Variants in CCDC141 observed in about 807,000 individuals in gnomAD.
CCDC141 encodes the protein coiled-coil domain-containing protein 141.
A neutral mutation model predicts 181.0 loss-of-function variants in CCDC141; 168 were observed. That is an observed-to-expected ratio of 0.93 (90% CI 0.82 to 1.05). The LOEUF (loss-of-function observed/expected upper bound fraction) is 1.05, where lower values mean the gene tolerates loss of function less well. Ranked by LOEUF, CCDC141 falls within the 50% of genes least tolerant of loss-of-function variation. CCDC141 has a pLI of 0.00. For missense variants in CCDC141, 1,902 were observed against 1,788.5 expected (o/e 1.06, Z -1.14); for synonymous variants, 666 against 642.3 (o/e 1.04, Z -0.56).
intron 5 of CCDC141, among the ~76,000 whole-genome samples, chr2:178,955,934 T>TCGTC (rs1324636343): frequency 6.6e-6 from 1 of 152,284 alleles, no homozygotes; most frequent in Non-Finnish European, 1.5e-5. Context: ...CTGAGACCAA[T>TCGTC]CGTCATCTGA....
At chr2:178,820,971 A>G in the CCDC141 span, among the ~76,000 whole-genome samples, 1 of 152,160 alleles carries the variant, frequency 6.6e-6, no homozygotes, top group Non-Finnish European at 1.5e-5. Flanking sequence ...GTTCTATTAT[A>G]CCACTATGCA....
chr2:178,970,080 C>G (rs1267136439), intron 4 of CCDC141, among the ~76,000 whole-genome samples: 1 of 152,160 alleles, frequency 6.6e-6, no homozygotes, highest in African/African-American at 2.4e-5. Flanking sequence ...TGAAGGACCT[C>G]TTCAGGGAAA....
intron 17 of CCDC141, among the ~76,000 whole-genome samples, chr2:178,865,453 T>C (rs908189679): frequency 6.6e-5 from 10 of 152,150 alleles, no homozygotes; most frequent in Admixed American, 1.3e-4. Context: ...TATACAGGTT[T>C]GAGGGAGAAG....
At position 178,831,112 on chromosome 2, in the gene CCDC141, T is replaced by G. The variant is rs916988710; in HGVS notation, c.*3061A>C. On this transcript the variant is annotated 3_prime_UTR_variant, in exon 24 of 24. Coordinates refer to ENST00000443758, the MANE Select transcript of CCDC141 (RefSeq NM_173648.4). ...GGTTACCATTATTGATTAATATAGC[T>G]AAAAAATTTTCTGCATCTTGTTCAA... 6.6e-6 allele frequency: 1 copy of G among 152,110 alleles called. No homozygotes were observed. The highest frequency in any genetic ancestry group is 1.5e-5 in the Non-Finnish European group (1 of 68,010). The allele number at this position is 152,110 out of a possible 1,614,324, so 9.4% of individuals were successfully genotyped here.
chr2:179,015,743 CTTATATATATCTCATATATA>C (rs879594690), intron 2 of CCDC141, among the ~76,000 whole-genome samples: 28,503 of 92,994 alleles, frequency 0.31, 7,546 homozygotes, highest in East Asian at 0.49. Context: ...ATATATATAT[CTTATATATATCTCATATATA>C]TCATATATAT....
chr2:178,959,216 A>C (rs995346205), intron 5 of CCDC141, among the ~76,000 whole-genome samples: 1 of 152,142 alleles, frequency 6.6e-6, no homozygotes, highest in Non-Finnish European at 1.5e-5. Context: ...TGGGTGCAGC[A>C]CACCAACATG....
At position 179,011,673 on chromosome 2, in the gene CCDC141, T is replaced by C. The variant is rs529923464; in HGVS notation, c.226-32998A>G. On this transcript the variant is annotated intron_variant, in intron 2 of 23. Transcript: ENST00000443758. ...TCATCCAACAACCACAGAATACACA[T>C]TCTATTCAACAGCACGTGGAACTTT... Among the ~76,000 whole-genome samples the C allele has an allele frequency of 1.3e-4, 20 of 152,240 alleles. 1 individual carries two copies. In the South Asian group the frequency reaches 4.0e-3, roughly 30 times the overall value.
chr2:179,020,225 A>G (rs1050108968), intron 2 of CCDC141, among the ~76,000 whole-genome samples: 1 of 152,174 alleles, frequency 6.6e-6, no homozygotes, highest in African/African-American at 2.4e-5. Context: ...AAGGAGCTTT[A>G]GGGTTAAAAT....
intron 2 of CCDC141, among the ~76,000 whole-genome samples, chr2:179,007,105 C>T (rs1402548713): frequency 6.6e-6 from 1 of 152,284 alleles, no homozygotes; most frequent in Admixed American, 6.5e-5. Flanking sequence ...TGATTAAAGT[C>T]TGGAAAATCA....
intron 18 of CCDC141, among the ~76,000 whole-genome samples, chr2:178,856,030 G>A (rs957840253): frequency 3.9e-5 from 6 of 152,078 alleles, no homozygotes; most frequent in African/African-American, 7.2e-5. Flanking sequence ...AGACAGGTTG[G>A]GTTTGGCAGA....
At chr2:178,966,399 G>A (rs111818506) in intron 4 of CCDC141, among the ~76,000 whole-genome samples, 1,543 of 152,276 alleles carry the variant, frequency 0.01, 26 homozygotes, top group African/African-American at 0.036. Flanking sequence ...TGCCCCTCTG[G>A]GATGAAGCTT....
intron 3 of CCDC141, among the ~76,000 whole-genome samples, chr2:178,978,061 T>A (rs1691203530): frequency 6.6e-6 from 1 of 152,192 alleles, no homozygotes; most frequent in Non-Finnish European, 1.5e-5. Context: ...TATAATTGCC[T>A]TTTTAAAACA....
At chr2:178,879,597 G>T (rs1686502835) in intron 11 of CCDC141, among the ~76,000 whole-genome samples, 1 of 152,170 alleles carries the variant, frequency 6.6e-6, no homozygotes, top group South Asian at 2.1e-4. Context: ...TAACTATTTT[G>T]GGGGGTACTC....
intron 22 of CCDC141, among the ~76,000 whole-genome samples, chr2:178,841,480 G>A (rs1302723558): frequency 1.3e-5 from 2 of 152,076 alleles, no homozygotes; most frequent in African/African-American, 4.8e-5. Flanking sequence ...TGGCACTACT[G>A]CTTTTATTCT....
intron 5 of CCDC141, among the ~76,000 whole-genome samples, chr2:178,959,605 G>A (rs1690309429): frequency 6.6e-6 from 1 of 152,214 alleles, no homozygotes; most frequent in Non-Finnish European, 1.5e-5. Context: ...TTTGGGGAAT[G>A]AGCATGTGAA....
At chr2:178,867,921 T>C (rs1291582981) in intron 16 of CCDC141, 105 bp downstream of exon 16, 8 of 902,508 alleles carry the variant, frequency 8.9e-6, no homozygotes, top group African/African-American at 6.6e-5. Flanking sequence ...GTTTAGTTTA[T>C]TTTTAAATTT....
At chr2:178,981,655 T>TATATATATATAC (rs1363397709) in intron 2 of CCDC141, among the ~76,000 whole-genome samples, 1 of 136,436 alleles carries the variant, frequency 7.3e-6, no homozygotes, top group African/African-American at 2.8e-5. Flanking sequence ...TATATATATA[T>TATATATATATAC]ATACATACAT....
At chr2:179,015,618 C>CATAT (rs200921115) in intron 2 of CCDC141, among the ~76,000 whole-genome samples, 1 of 69,522 alleles carries the variant, frequency 1.4e-5, no homozygotes, top group South Asian at 4.6e-4. Flanking sequence ...TCATATAGCT[C>CATAT]ATATATATCT....
intron 17 of CCDC141, among the ~76,000 whole-genome samples, chr2:178,862,856 G>C (rs144277113): frequency 6.6e-6 from 1 of 152,246 alleles, no homozygotes; most frequent in Non-Finnish European, 1.5e-5. Flanking sequence ...TTGAGGTATT[G>C]AGTTCTTTTC....
Sources: gnomAD v4.1 joint callset for allele counts (sites outside exome capture counted in the v4.1 genomes callset) on GRCh38, gnomAD v4.1.1 for gene constraint, MANE v1.5 for transcripts, NCBI Gene and HGNC (gene_info 2026-07-23, HGNC 2026-07-21) for gene names.